Variants in CDH3 observed in about 807,000 individuals in gnomAD.
CDH3 encodes the protein cadherin 3.
In CDH3, 54 loss-of-function variants were observed where a neutral mutation model predicts 82.0. That is an observed-to-expected ratio of 0.66 (90% CI 0.53 to 0.83). The LOEUF (loss-of-function observed/expected upper bound fraction) is 0.83, where lower values mean the gene tolerates loss of function less well. Ranked by LOEUF, CDH3 falls within the 40% of genes least tolerant of loss-of-function variation. The pLI, the probability that CDH3 is intolerant of heterozygous loss-of-function variation, is 0.00. For missense variants in CDH3, 1,054 were observed against 1,084.6 expected (o/e 0.97, Z 0.40); for synonymous variants, 446 against 437.9 (o/e 1.02, Z -0.23).
chr16:68,647,396 G>A (rs573991241), intron 2 of CDH3, among the ~76,000 whole-genome samples: 53 of 152,278 alleles, frequency 3.5e-4, no homozygotes, highest in East Asian at 7.7e-4. Flanking sequence ...TTGAGGTTTT[G>A]GGGGGAAGCA....
chr16:68,690,608 G>A (rs1227693473), intron 12 of CDH3, among the ~76,000 whole-genome samples: 3 of 144,410 alleles, frequency 2.1e-5, no homozygotes, highest in African/African-American at 7.8e-5. Flanking sequence ...GCAAGACTCT[G>A]TCTAAAAAAA....
At chr16:68,668,634 C>T (rs1163105766) in intron 2 of CDH3, among the ~76,000 whole-genome samples, 2 of 152,196 alleles carry the variant, frequency 1.3e-5, no homozygotes, top group Non-Finnish European at 1.5e-5. Context: ...CAGAGGACCC[C>T]TACAAAACAG....
downstream of CDH3, among the ~76,000 whole-genome samples, chr16:68,703,404 G>A (rs1193854775): frequency 6.6e-6 from 1 of 152,220 alleles, no homozygotes; most frequent in Non-Finnish European, 1.5e-5. Flanking sequence ...GAGGCGATGG[G>A]CCTGCCATTG....
At position 68,684,238 on chromosome 16, in the gene CDH3, T is replaced by C. The variant is rs549174662; in HGVS notation, c.1183-345T>C. ...CAGAGCAAGATCCTGTCTCAAATAATGGTCTCAAGCAATCCAGCAGCCTTG... is the reference window on the plus strand; with the variant it reads ...CAGAGCAAGATCCTGTCTCAAATAACGGTCTCAAGCAATCCAGCAGCCTTG... On this transcript the variant is annotated intron_variant, in intron 9 of 15. Transcript: ENST00000264012. Among the ~76,000 whole-genome samples, 108 of 152,236 alleles carry C rather than the reference T, an allele frequency of 7.1e-4. 2 individuals are homozygous for C. In the South Asian group the frequency reaches 0.022, roughly 30 times the overall value.
At chr16:68,656,792 A>C (rs1195042867) in intron 2 of CDH3, among the ~76,000 whole-genome samples, 4 of 152,160 alleles carry the variant, frequency 2.6e-5, no homozygotes, top group Admixed American at 2.6e-4. Flanking sequence ...TTGAATTCCT[A>C]TTCTCTCCAC....
intron 13 of CDH3, 123 bp from the exon 14 acceptor site, chr16:68,695,132 G>T (rs1961677811): frequency 9.7e-7 from 1 of 1,034,828 alleles, no homozygotes; most frequent in South Asian, 1.3e-5. Flanking sequence ...TAAAGCCATT[G>T]TAGCATGTTA....
intron 3 of CDH3, among the ~76,000 whole-genome samples, 176 bp downstream of exon 3, chr16:68,676,646 G>T (rs909395925): frequency 2.0e-5 from 3 of 152,206 alleles, no homozygotes; most frequent in Admixed American, 6.6e-5. Flanking sequence ...TCTAAGGGGG[G>T]TAGTGCTTGC....
In CDH3 at chr16:68,687,521, C is replaced by T; in HGVS notation, c.1580C>T (p.Pro527Leu). The change falls in exon 12 of 16, where the codon CCC (proline) becomes CTC (leucine). Residue 527 changes from proline to leucine, a missense_variant. Pro to Leu is a moderately conservative substitution (Grantham distance 98, BLOSUM62 -3). Coordinates refer to ENST00000264012, the MANE Select transcript of CDH3 (RefSeq NM_001793.6). The stretch of plus-strand genomic sequence containing the variant: ...GTGTCATTACAAACAGGAAGCCCTC[C>T]CACCACTGGCACGGGAACCCTTCTG... ...MVLAMDNGSP[P>L]TTGTGTLLLT... 1 of 1,613,996 alleles carries T rather than the reference C, an allele frequency of 6.2e-7. No homozygotes were observed. The highest frequency in any genetic ancestry group is 8.5e-7 in the Non-Finnish European group (1 of 1,179,932).
chr16:68,654,514 C>G (rs1166289017), intron 2 of CDH3, among the ~76,000 whole-genome samples: 7 of 133,298 alleles, frequency 5.3e-5, no homozygotes, highest in Admixed American at 2.4e-4. Flanking sequence ...ACCAGCCTGG[C>G]CAACATGGTG....
intron 1 of CDH3, among the ~76,000 whole-genome samples, chr16:68,711,274 A>G (rs1429791515): frequency 1.3e-5 from 2 of 151,994 alleles, no homozygotes; most frequent in African/African-American, 4.8e-5. Flanking sequence ...GCGGCATTGC[A>G]CTCCAGCCTG....
intron 13 of CDH3, 44 bp downstream of exon 13, chr16:68,691,970 G>A (rs1486674951): frequency 6.7e-7 from 1 of 1,502,640 alleles, no homozygotes; most frequent in Non-Finnish European, 9.2e-7. Flanking sequence ...TGGGGGAGTT[G>A]AAAGACTGGA....
rs1318637316 is a variant in CDH3, at chr16:68,715,408, CA to C, written c.100-7016del. 4.5e-5 allele frequency among the ~76,000 whole-genome samples: 6 copies of C among 133,766 alleles called. No homozygotes were observed. The East Asian group carries it at 1.3e-3, about 29-fold the overall frequency. The allele number at this position is 133,766 out of a possible 152,430, so 87.8% of individuals were successfully genotyped here. ...TGTCACTGCACTCCAGCCTGGGCGA[CA>C]GAGCACGACTCTCAAAAAAAAAAGA... On this transcript the variant is annotated intron_variant, in intron 1 of 2. Coordinates refer to the CDH3 transcript ENST00000569080.
chr16:68,716,810 A>G (rs1597829776), intron 1 of CDH3, among the ~76,000 whole-genome samples: 1 of 149,632 alleles, frequency 6.7e-6, no homozygotes. Flanking sequence ...TGCAGCCTCA[A>G]CCTCCCGGGC....
chr16:68,702,794 A>G (rs1961912515), downstream of CDH3, among the ~76,000 whole-genome samples: 1 of 151,852 alleles, frequency 6.6e-6, no homozygotes, highest in Non-Finnish European at 1.5e-5. Context: ...GAGCCCAGGA[A>G]GCAGAGGTTT....
chr16:68,659,321 C>T (rs981741049), intron 2 of CDH3, among the ~76,000 whole-genome samples: 1 of 152,096 alleles, frequency 6.6e-6, no homozygotes, highest in Admixed American at 6.6e-5. Context: ...GTAATTCTAG[C>T]ACTGTGGGAG....
intron 1 of CDH3, among the ~76,000 whole-genome samples, chr16:68,719,522 T>TG (rs1475248922): frequency 1.3e-4 from 19 of 146,790 alleles, no homozygotes; most frequent in Non-Finnish European, 2.7e-4. Flanking sequence ...TTTTTTTTTT[T>TG]TTTGAGAGGG....
At chr16:68,677,173 C>T (rs1190852357) in intron 3 of CDH3, among the ~76,000 whole-genome samples, 9 of 152,240 alleles carry the variant, frequency 5.9e-5, no homozygotes, top group African/African-American at 2.2e-4. Flanking sequence ...ATGCTGTTCA[C>T]ATGTCTGCAC....
intron 6 of CDH3, 50 bp downstream of exon 6, chr16:68,678,956 A>T (rs1158720983): frequency 1.3e-6 from 2 of 1,590,640 alleles, no homozygotes; most frequent in Non-Finnish European, 1.7e-6. Flanking sequence ...CACACCCTTA[A>T]ATGCTAAAAG....
chr16:68,679,982 G>T lies in CDH3; in HGVS notation c.867+8G>T. 1 of 1,613,752 alleles carries T rather than the reference G, an allele frequency of 6.2e-7. No individual in the cohort carries two copies. Among genetic ancestry groups the T allele is most frequent in the Non-Finnish European group, 8.5e-7 (1 of 1,179,662 alleles). On this transcript the variant is annotated splice_region_variant and intron_variant, in intron 7 of 15. Coordinates refer to ENST00000264012, the MANE Select transcript of CDH3 (RefSeq NM_001793.6). ...AGTGGCCTGGACCGGGAAGTGAGTG[G>T]CCCTTAGGGAAAGTACTGCCTACCC...
Sources: gnomAD v4.1 joint callset for allele counts (sites outside exome capture counted in the v4.1 genomes callset) on GRCh38, gnomAD v4.1.1 for gene constraint, MANE v1.5 for transcripts, NCBI Gene and HGNC (gene_info 2026-07-23, HGNC 2026-07-21) for gene names.